The following ASIC2 variants were observed in gnomAD, a reference collection of about 807,000 sequenced individuals.
The protein encoded by ASIC2 is acid sensing ion channel subunit 2, also known as acid-sensing ion channel 2.
ASIC2 carries 25 observed loss-of-function variants against 57.3 expected under a neutral mutation model. That is an observed-to-expected ratio of 0.44 (90% CI 0.32 to 0.61). The LOEUF is 0.61. ASIC2 is among the 20% of genes least tolerant of loss of function. ASIC2 has a pLI of 0.06. For missense variants in ASIC2, 641 were observed against 738.1 expected (o/e 0.87, Z 1.52); for synonymous variants, 319 against 307.5 (o/e 1.04, Z -0.39).
intron 1 of ASIC2, among the ~76,000 whole-genome samples, chr17:33,510,283 A>AT (rs910017572): frequency 5.9e-5 from 9 of 152,132 alleles, no homozygotes; most frequent in East Asian, 1.9e-4. Context: ...ATTATTACCC[A>AT]TTTTTTTAAA....
At chr17:33,038,157 G>A (rs1285605863) in intron 3 of ASIC2, among the ~76,000 whole-genome samples, 1 of 152,184 alleles carries the variant, frequency 6.6e-6, no homozygotes, top group Non-Finnish European at 1.5e-5. Flanking sequence ...TTCCTTATCT[G>A]ATTAAATAAG....
intron 1 of ASIC2, among the ~76,000 whole-genome samples, chr17:33,833,457 T>C (rs1246401346): frequency 6.6e-6 from 1 of 152,098 alleles, no homozygotes; most frequent in Non-Finnish European, 1.5e-5. Flanking sequence ...GAGCAGATAG[T>C]ATACGCTGTT....
In ASIC2 at chr17:33,661,947, C is replaced by G. The variant is rs145399006; in HGVS notation, c.555+494031G>C. Among the ~76,000 whole-genome samples, 36 of 152,308 alleles carry G rather than the reference C, an allele frequency of 2.4e-4. No homozygotes were observed. In the East Asian group the frequency reaches 2.7e-3, roughly 11 times the overall value. ...CTGGTTAGACTTTACTTCGCTCTGT[C>G]CCCCTCTACTCATCCCTACTTTCCT... On this transcript the variant is annotated intron_variant, in intron 1 of 9. Coordinates refer to the ASIC2 transcript ENST00000359872.
chr17:34,050,346 G>T (rs552770095), intron 1 of ASIC2, among the ~76,000 whole-genome samples: 1 of 152,152 alleles, frequency 6.6e-6, no homozygotes, highest in Non-Finnish European at 1.5e-5. Context: ...GGAAATGCCA[G>T]GTCTGTTATA....
chr17:34,153,327 CTAGA>C (rs1904596578), intron 1 of ASIC2, among the ~76,000 whole-genome samples: 1 of 152,158 alleles, frequency 6.6e-6, no homozygotes, highest in African/African-American at 2.4e-5. Flanking sequence ...TGGTACAATC[CTAGA>C]TAGAGCCTCA....
intron 1 of ASIC2, among the ~76,000 whole-genome samples, chr17:33,169,214 G>C (rs962070484): frequency 6.6e-6 from 1 of 152,132 alleles, no homozygotes; most frequent in Non-Finnish European, 1.5e-5. Context: ...GTGTCCATAC[G>C]GTGTGAATTC....
At chr17:34,035,507 G>A (rs1034459550) in intron 1 of ASIC2, among the ~76,000 whole-genome samples, 55 of 150,740 alleles carry the variant, frequency 3.6e-4, no homozygotes, top group African/African-American at 1.2e-3. Context: ...AAAAGCAATG[G>A]CAACAAAAGC....
chr17:33,807,937 C>T (rs1316194442), intron 1 of ASIC2, among the ~76,000 whole-genome samples: 1 of 152,126 alleles, frequency 6.6e-6, no homozygotes, highest in African/African-American at 2.4e-5. Flanking sequence ...GATAACAGTC[C>T]TTTATCAGAC....
chr17:33,201,807 A>C (rs1318084790), intron 1 of ASIC2, among the ~76,000 whole-genome samples: 1 of 152,136 alleles, frequency 6.6e-6, no homozygotes, highest in Non-Finnish European at 1.5e-5. Context: ...AGGCAGGCAG[A>C]TCACTTGAGC....
At chr17:34,101,008 C>T (rs1052421250) in intron 1 of ASIC2, among the ~76,000 whole-genome samples, 3 of 152,122 alleles carry the variant, frequency 2.0e-5, no homozygotes, top group Non-Finnish European at 1.5e-5. Context: ...ATAATAGAAC[C>T]TACTTCATAG....
chr17:33,754,093 C>T (rs955330303), intron 1 of ASIC2, among the ~76,000 whole-genome samples: 1 of 152,070 alleles, frequency 6.6e-6, no homozygotes, highest in South Asian at 2.1e-4. Flanking sequence ...GGTACTGATT[C>T]CCTTCCTCCA....
At chr17:33,358,237 C>T (rs995259604) in intron 1 of ASIC2, among the ~76,000 whole-genome samples, 12 of 152,174 alleles carry the variant, frequency 7.9e-5, no homozygotes, top group African/African-American at 2.4e-4. Flanking sequence ...ATATTTTTGG[C>T]TGCCTTTTCA....
chr17:33,353,065 A>G (rs1298717061), intron 1 of ASIC2, among the ~76,000 whole-genome samples: 1 of 152,142 alleles, frequency 6.6e-6, no homozygotes, highest in Non-Finnish European at 1.5e-5. Flanking sequence ...TTGCATTCCC[A>G]GAGCCCAGCA....
At chr17:33,921,720 T>C (rs1198026333) in intron 1 of ASIC2, among the ~76,000 whole-genome samples, 4 of 152,140 alleles carry the variant, frequency 2.6e-5, no homozygotes, top group Non-Finnish European at 5.9e-5. Flanking sequence ...CAAAATGGAC[T>C]CTGGAATTTA....
intron 1 of ASIC2, among the ~76,000 whole-genome samples, chr17:33,653,050 G>T (rs941632772): frequency 4.6e-5 from 7 of 152,192 alleles, no homozygotes; most frequent in Admixed American, 6.5e-5. Context: ...TTCTAAAAAA[G>T]ATAATAATAT....
At chr17:33,944,761 TACCAG>T (rs2141981051) in intron 1 of ASIC2, among the ~76,000 whole-genome samples, 2 of 152,354 alleles carry the variant, frequency 1.3e-5, no homozygotes, top group South Asian at 4.1e-4. Flanking sequence ...TGCAAAGTGC[TACCAG>T]ACTCAAGGCT....
intron 1 of ASIC2, among the ~76,000 whole-genome samples, chr17:34,060,960 G>C (rs940616288): frequency 6.6e-6 from 1 of 152,094 alleles, no homozygotes; most frequent in Admixed American, 6.6e-5. Flanking sequence ...CTGGCCTTGC[G>C]AAAGACCTAG....
At chr17:33,020,359 C>T (rs1372341552) in intron 7 of ASIC2, among the ~76,000 whole-genome samples, 2 of 152,224 alleles carry the variant, frequency 1.3e-5, no homozygotes, top group Non-Finnish European at 2.9e-5. Context: ...TGCCCATATT[C>T]TCATAGCTGG....
chr17:33,074,429 C>T (rs2092081416), intron 3 of ASIC2, among the ~76,000 whole-genome samples: 1 of 152,096 alleles, frequency 6.6e-6, no homozygotes, highest in African/African-American at 2.4e-5. Flanking sequence ...GGTCCTCCTC[C>T]CCTTTCCCCA....
Sources: gnomAD v4.1 joint callset for allele counts (sites outside exome capture counted in the v4.1 genomes callset) on GRCh38, gnomAD v4.1.1 for gene constraint, MANE v1.5 for transcripts, NCBI Gene and HGNC (gene_info 2026-07-23, HGNC 2026-07-21) for gene names.